Variants in TCF4 observed in about 807,000 individuals in gnomAD.
TCF4 encodes SL3-3 enhancer factor 2.
In TCF4, 3 loss-of-function variants were observed where a neutral mutation model predicts 82.1. The observed-to-expected ratio is 0.04, with a 90% CI of 0.02 to 0.09. The LOEUF (loss-of-function observed/expected upper bound fraction) is 0.09, where lower values mean the gene tolerates loss of function less well. Among genes scored for constraint, TCF4 ranks in the 10% least tolerant of loss-of-function variants. The pLI, the probability that TCF4 is intolerant of heterozygous loss-of-function variation, is 1.00. For synonymous variants in TCF4, 276 were observed against 309.6 expected (o/e 0.89, Z 1.14); for missense variants, 518 against 852.7 (o/e 0.61, Z 4.89).
At chr18:55,412,105 A>G (rs539035862) in intron 5 of TCF4, among the ~76,000 whole-genome samples, 1 of 152,166 alleles carries the variant, frequency 6.6e-6, no homozygotes, top group South Asian at 2.1e-4. Flanking sequence ...ACAAGCAACC[A>G]ATTTAAGTGA....
At position 55,490,491 on chromosome 18, in the gene TCF4, ATACTT is replaced by A. The variant is rs759267097; in HGVS notation, c.146-26359_146-26355del. Reference sequence around the variant, plus strand: ...GATTAAATGAGATTACTGATGTACTATACTTAGCAGAGTATCATACACGTTGATAT... The same window carrying A: ...GATTAAATGAGATTACTGATGTACTAAGCAGAGTATCATACACGTTGATAT... On this transcript the variant is annotated intron_variant, in intron 3 of 19. Coordinates refer to ENST00000354452, the MANE Select transcript of TCF4 (RefSeq NM_001083962.2). Among the ~76,000 whole-genome samples, 242 of 152,296 alleles carry A rather than the reference ATACTT, an allele frequency of 1.6e-3. 1 individual carries two copies. The Middle Eastern group carries it at 0.02, about 13-fold the overall frequency.
intron 8 of TCF4, among the ~76,000 whole-genome samples, chr18:55,347,891 C>T (rs1273959443): frequency 6.6e-6 from 1 of 152,106 alleles, no homozygotes; most frequent in African/African-American, 2.4e-5. Context: ...CATAATCACT[C>T]CAAAGGAAAC....
chr18:55,295,199 T>G (rs1468202643), intron 8 of TCF4, among the ~76,000 whole-genome samples: 1 of 152,224 alleles, frequency 6.6e-6, no homozygotes, highest in African/African-American at 2.4e-5. Flanking sequence ...CCTTTGCATG[T>G]GTTGTACCAT....
intron 8 of TCF4, among the ~76,000 whole-genome samples, chr18:55,297,110 T>C (rs1049435279): frequency 6.6e-6 from 1 of 151,564 alleles, no homozygotes; most frequent in Non-Finnish European, 1.5e-5. Context: ...TAGGAACTAT[T>C]TGATGTCCAG....
intron 3 of TCF4, among the ~76,000 whole-genome samples, chr18:55,563,117 T>G (rs2097369516): frequency 6.6e-6 from 1 of 151,556 alleles, no homozygotes. Flanking sequence ...TGCACTCCTG[T>G]GGTTCCAGCT....
chr18:55,537,444 C>T (rs1345004907), intron 3 of TCF4, among the ~76,000 whole-genome samples: 1 of 151,928 alleles, frequency 6.6e-6, no homozygotes, highest in African/African-American at 2.4e-5. Context: ...ACAAAAACTA[C>T]CAAGGCGTGG....
chr18:55,509,520 C>T (rs1037570621), intron 3 of TCF4, among the ~76,000 whole-genome samples: 7 of 151,988 alleles, frequency 4.6e-5, no homozygotes, highest in African/African-American at 1.4e-4. Context: ...AACCAAATTG[C>T]GTTTAAAAAA....
chr18:55,362,361 G>GGAAGGAAGGAAGGAAGGAAGGAAA (rs1569189943), intron 6 of TCF4, among the ~76,000 whole-genome samples: 1 of 84,618 alleles, frequency 1.2e-5, no homozygotes, highest in African/African-American at 5.3e-5. Context: ...AAGGAAGGAA[G>GGAAGGAAGGAAGGAAGGAAGGAAA]GAAGGAAGGA....
At chr18:55,321,474 G>C (rs1228475628) in intron 8 of TCF4, 3 of 789,840 alleles carry the variant, frequency 3.8e-6, no homozygotes, top group Non-Finnish European at 6.1e-6. Flanking sequence ...GGGGAGGAGT[G>C]GGGGGAAAAA....
At chr18:55,281,663 T>C (rs1407033213) in intron 8 of TCF4, among the ~76,000 whole-genome samples, 1 of 151,940 alleles carries the variant, frequency 6.6e-6, no homozygotes, top group Non-Finnish European at 1.5e-5. Flanking sequence ...AACATATATA[T>C]CATTATGTCA....
At chr18:55,564,927 T>G (rs1399089963) in intron 3 of TCF4, among the ~76,000 whole-genome samples, 1 of 152,152 alleles carries the variant, frequency 6.6e-6, no homozygotes, top group African/African-American at 2.4e-5. Flanking sequence ...AATAACCAGA[T>G]GATAACAACT....
At chr18:55,302,515 A>C in intron 8 of TCF4, 1 of 1,536,092 alleles carries the variant, frequency 6.5e-7, no homozygotes, top group Non-Finnish European at 8.7e-7. Flanking sequence ...TTGGTCAGAC[A>C]TGGCTGACAG....
chr18:55,560,577 T>A (rs1410533703), intron 3 of TCF4, among the ~76,000 whole-genome samples: 4 of 152,120 alleles, frequency 2.6e-5, no homozygotes, highest in Admixed American at 2.0e-4. Context: ...TCTCTGATCA[T>A]GCCTAGGCAA....
chr18:55,346,554 A>C (rs1268470743), intron 8 of TCF4, among the ~76,000 whole-genome samples: 1 of 152,194 alleles, frequency 6.6e-6, no homozygotes, highest in East Asian at 1.9e-4. Flanking sequence ...ACTATTTCTA[A>C]GGATAAAATA....
At chr18:55,278,111 T>C (rs1223053820) in intron 9 of TCF4, among the ~76,000 whole-genome samples, 1 of 152,174 alleles carries the variant, frequency 6.6e-6, no homozygotes, top group Non-Finnish European at 1.5e-5. Flanking sequence ...CCATGGAATT[T>C]CACACGTGAA....
chr18:55,271,688 T>C (rs2146013178), intron 10 of TCF4, among the ~76,000 whole-genome samples: 1 of 152,248 alleles, frequency 6.6e-6, no homozygotes, highest in South Asian at 2.1e-4. Context: ...TTAGGCCACC[T>C]GTTAAACTCA....
Position 55,300,530 on chromosome 18 carries a change from C to T in TCF4, c.550-20874G>A, listed in dbSNP as rs1381708023. Among the ~76,000 whole-genome samples, 3 of 152,130 alleles carry T rather than the reference C, an allele frequency of 2.0e-5. No individual in the cohort carries two copies. The East Asian group carries it at 5.8e-4, about 29-fold the overall frequency. On this transcript the variant is annotated intron_variant, in intron 8 of 19. Transcript: ENST00000354452. Reference sequence around the variant, plus strand: ...AGTGGAAAGGGCCGGAAGGAAAACCCACCCACCTCACCCCTGCGTTCATTC... The same window carrying T: ...AGTGGAAAGGGCCGGAAGGAAAACCTACCCACCTCACCCCTGCGTTCATTC...
intron 8 of TCF4, among the ~76,000 whole-genome samples, chr18:55,337,196 A>C (rs2078841771): frequency 6.6e-6 from 1 of 152,154 alleles, no homozygotes; most frequent in African/African-American, 2.4e-5. Context: ...TCGAACTCTT[A>C]AGAGATACAC....
At chr18:55,235,064 G>A (rs529914951) in intron 15 of TCF4, among the ~76,000 whole-genome samples, 3 of 152,184 alleles carry the variant, frequency 2.0e-5, no homozygotes, top group Admixed American at 1.3e-4. Context: ...TTCCCCCATT[G>A]CTATCGGAAA....
Sources: allele counts gnomAD v4.1 joint callset (sites outside exome capture counted in the v4.1 genomes callset), GRCh38; gene constraint gnomAD v4.1.1; transcripts MANE v1.5; gene names NCBI Gene and HGNC (gene_info 2026-07-23, HGNC 2026-07-21).